ST3GAL1: variants seen among roughly 807,000 people sequenced by gnomAD.
ST3GAL1 encodes the protein CMP-N-acetylneuraminate-beta-galactosamide-alpha-2,3-sialyltransferase 1.
Under a neutral mutation model 34.1 loss-of-function variants are expected in ST3GAL1, and 16 were observed. The observed-to-expected ratio is 0.47, with a 90% CI of 0.32 to 0.71. The LOEUF (loss-of-function observed/expected upper bound fraction) is 0.71, where lower values mean the gene tolerates loss of function less well. Among genes scored for constraint, ST3GAL1 ranks in the 30% least tolerant of loss-of-function variants. ST3GAL1 has a pLI of 0.04. For synonymous variants in ST3GAL1, 191 were observed against 184.7 expected, an observed-to-expected ratio of 1.03 and a Z score of -0.28; for missense variants, 353 against 447.4, an observed-to-expected ratio of 0.79 and a Z score of 1.90.
At chr8:133,543,552 T>C (rs1586656946) in intron 2 of ST3GAL1, among the ~76,000 whole-genome samples, 1 of 152,180 alleles carries the variant, frequency 6.6e-6, no homozygotes, top group Non-Finnish European at 1.5e-5. Context: ...TTGTTGGCTG[T>C]TCTTATAACT....
chr8:133,557,664 A>G (rs1375974781), intron 1 of ST3GAL1, among the ~76,000 whole-genome samples: 1 of 152,162 alleles, frequency 6.6e-6, no homozygotes, highest in Admixed American at 6.5e-5. Context: ...CCTGACCAAC[A>G]TGGTGAAACC....
intron 2 of ST3GAL1, among the ~76,000 whole-genome samples, chr8:133,505,148 G>C (rs565491380): frequency 6.6e-6 from 1 of 152,280 alleles, no homozygotes; most frequent in Non-Finnish European, 1.5e-5. Context: ...TGGGTCTCTT[G>C]CACTTCTGTG....
chr8:133,540,774 T>G (rs1313456059), intron 2 of ST3GAL1, among the ~76,000 whole-genome samples: 1,151 of 70,150 alleles, frequency 0.016, 51 homozygotes, highest in African/African-American at 0.047. Flanking sequence ...CATATATATA[T>G]AGAGACATAT....
intron 2 of ST3GAL1, chr8:133,516,345 C>G (rs1338658014): frequency 6.6e-6 from 1 of 152,216 alleles, no homozygotes; most frequent in Non-Finnish European, 1.5e-5. Context: ...AAAGCAGATG[C>G]CAGTGCTATG....
In ST3GAL1 at chr8:133,461,760, G is replaced by C; in HGVS notation, c.849+115C>G. ...GTCCTGTCGTAGAGACAGGGAATCC[G>C]AGCTTCCGGAAGAGGCAGGCTAGGT... On this transcript the variant is annotated intron_variant, in intron 9 of 9. Transcript: ENST00000522652. The surrounding 1 kb of genome is among the most constrained non-coding windows in gnomAD (Gnocchi z 4.7). 2.7e-6 allele frequency: 4 copies of C among 1,461,222 alleles called. No individual in the cohort carries two copies. Among genetic ancestry groups the C allele is most frequent in the Non-Finnish European group, 3.7e-6 (4 of 1,071,276 alleles). 90.5% of individuals were successfully genotyped at this position (1,461,222 alleles called of 1,614,324 possible).
intron 2 of ST3GAL1, among the ~76,000 whole-genome samples, chr8:133,531,817 A>G (rs2945763): frequency 4.5e-5 from 3 of 67,018 alleles, no homozygotes; most frequent in East Asian, 5.6e-4. Flanking sequence ...AAAAACAGAA[A>G]AAAAAAAAAA....
intron 2 of ST3GAL1, among the ~76,000 whole-genome samples, chr8:133,534,170 T>C (rs777975188): frequency 6.6e-6 from 1 of 152,026 alleles, no homozygotes; most frequent in Non-Finnish European, 1.5e-5. Flanking sequence ...AAGCAAATCA[T>C]CTCCCCAGAC....
rs185159953 is a variant in ST3GAL1, at chr8:133,562,716, T to C, written c.-582+8977A>G. ...AAGGAGAATAGAGTCCTTTAATACT[T>C]GGCCAATTCAGGGGATTTATTTTGG... On this transcript the variant is annotated intron_variant, in intron 1 of 9. Transcript: ENST00000522652. Among the ~76,000 whole-genome samples, 139 of 152,248 alleles carry C rather than the reference T, an allele frequency of 9.1e-4. 1 individual carries two copies. Among genetic ancestry groups the C allele is most frequent in the Non-Finnish European group, 1.5e-3 (102 of 68,022 alleles).
rs550898292 is a variant in ST3GAL1, at chr8:133,570,659, C to T, written c.-582+1034G>A. On this transcript the variant is annotated intron_variant, in intron 1 of 9. Coordinates refer to ENST00000522652, the MANE Select transcript of ST3GAL1 (RefSeq NM_173344.3). The surrounding 1 kb of genome is among the most constrained non-coding windows in gnomAD (Gnocchi z 5.6). ...CAAGCCGGGGCGCAAGCTCAACCCC[C>T]ATCTCAAGTTCAGCCGCGCTTCCTC... 5.3e-5 allele frequency among the ~76,000 whole-genome samples: 8 copies of T among 152,334 alleles called. No homozygotes were observed. The South Asian group carries it at 1.4e-3, about 28-fold the overall frequency.
chr8:133,543,662 T>C (rs1193071962), intron 2 of ST3GAL1, among the ~76,000 whole-genome samples: 2 of 152,094 alleles, frequency 1.3e-5, no homozygotes, highest in African/African-American at 4.8e-5. Flanking sequence ...AAAATCAATA[T>C]ATTACTTAGT....
chr8:133,531,278 T>A (rs903194106), intron 2 of ST3GAL1, among the ~76,000 whole-genome samples: 12 of 152,172 alleles, frequency 7.9e-5, no homozygotes, highest in African/African-American at 2.9e-4. Flanking sequence ...CTCACACATA[T>A]AGTATATATA....
Position 133,485,968 on chromosome 8 carries a change from T to C in ST3GAL1, c.-373-9368A>G, listed in dbSNP as rs888809884. 2.0e-5 allele frequency among the ~76,000 whole-genome samples: 3 copies of C among 152,326 alleles called. No homozygotes were observed. The South Asian group carries it at 6.2e-4, about 32-fold the overall frequency. The stretch of plus-strand genomic sequence containing the variant: ...GCACAGAGCAGTAATGTGTCAACAC[T>C]GAGGACACCTACCATCACCTTTGTC... On this transcript the variant is annotated intron_variant, in intron 3 of 9. Transcript: ENST00000522652.
Position 133,556,770 on chromosome 8 carries a change from C to T in ST3GAL1, c.-581-10844G>A, listed in dbSNP as rs1360077904. ...CCCTGGCAAATGTGACCCAGAATGC[C>T]ACCACTAACAGTCCTATTTATAGCC... On this transcript the variant is annotated intron_variant, in intron 1 of 9. Coordinates refer to ENST00000522652, the MANE Select transcript of ST3GAL1 (RefSeq NM_173344.3). The surrounding 1 kb of genome is among the most constrained non-coding windows in gnomAD (Gnocchi z 8.9). 6.6e-6 allele frequency among the ~76,000 whole-genome samples: 1 copy of T among 152,160 alleles called. No individual in the cohort carries two copies. The highest frequency in any genetic ancestry group is 2.4e-5 in the African/African-American group (1 of 41,430).
intron 3 of ST3GAL1, among the ~76,000 whole-genome samples, chr8:133,483,466 C>T (rs1816472001): frequency 6.6e-6 from 1 of 152,176 alleles, no homozygotes; most frequent in South Asian, 2.1e-4. Flanking sequence ...TCTGTCTCTC[C>T]CCACTAAGCT....
chr8:133,565,893 G>T (rs1283528179), intron 1 of ST3GAL1, among the ~76,000 whole-genome samples: 3 of 152,240 alleles, frequency 2.0e-5, no homozygotes, highest in Non-Finnish European at 2.9e-5. Context: ...TCCCTGCAGG[G>T]ATTCCCCTGA....
chr8:133,567,091 C>CT (rs930814802), intron 1 of ST3GAL1: 15 of 152,248 alleles, frequency 9.9e-5, no homozygotes, highest in African/African-American at 3.4e-4. Flanking sequence ...TCTTTGCTCT[C>CT]TTGCAGTCTG....
At chr8:133,472,284 G>A (rs1027439495) in intron 5 of ST3GAL1, among the ~76,000 whole-genome samples, 5 of 152,206 alleles carry the variant, frequency 3.3e-5, no homozygotes, top group South Asian at 4.1e-4. Flanking sequence ...CCACTTGACT[G>A]AGGAGGACTA....
intron 2 of ST3GAL1, among the ~76,000 whole-genome samples, chr8:133,513,138 A>G (rs1189136577): frequency 6.6e-6 from 1 of 152,214 alleles, no homozygotes; most frequent in African/African-American, 2.4e-5. Flanking sequence ...AATAAAGATC[A>G]GAGGAGAGGC....
intron 1 of ST3GAL1, among the ~76,000 whole-genome samples, chr8:133,568,803 G>A (rs766254719): frequency 3.3e-5 from 5 of 151,998 alleles, no homozygotes; most frequent in Non-Finnish European, 5.9e-5. Context: ...CCTGGCTCGG[G>A]GGCTGCTTGG....
Sources: gnomAD v4.1 joint callset for allele counts (sites outside exome capture counted in the v4.1 genomes callset) on GRCh38, gnomAD v4.1.1 for gene constraint, Gnocchi (gnomAD v3.1) non-coding constraint, MANE v1.5 for transcripts, NCBI Gene and HGNC (gene_info 2026-07-23, HGNC 2026-07-21) for gene names.